ZCWPW2: variants seen among roughly 807,000 people sequenced by gnomAD.
The protein encoded by ZCWPW2 is zinc finger CW-type PWWP domain protein 2.
Under a neutral mutation model 46.6 loss-of-function variants are expected in ZCWPW2, and 45 were observed. The ratio of observed to expected loss-of-function variants is 0.96; its 90% CI spans 0.76 to 1.24. The LOEUF (loss-of-function observed/expected upper bound fraction) is 1.24, where lower values mean the gene tolerates loss of function less well. Among genes scored for constraint, ZCWPW2 ranks in the 50% most tolerant of loss-of-function variants. The probability of loss-of-function intolerance (pLI) is 0.00; values close to 1 mark genes in which losing one functional copy is unlikely to be tolerated. For synonymous variants in ZCWPW2, 152 were observed against 137.1 expected (o/e 1.11, Z -0.76); for missense variants, 429 against 403.9 (o/e 1.06, Z -0.53).
chr3:28,492,887 G>A (rs940482284), intron 6 of ZCWPW2, among the ~76,000 whole-genome samples: 11 of 151,966 alleles, frequency 7.2e-5, no homozygotes, highest in South Asian at 2.1e-4. Flanking sequence ...GAGATTTCCC[G>A]TGTTGAGTGG....
chr3:28,476,995 G>T (rs191586856), intron 4 of ZCWPW2, among the ~76,000 whole-genome samples: 3 of 152,204 alleles, frequency 2.0e-5, no homozygotes, highest in South Asian at 4.1e-4. Flanking sequence ...GTTCCTAACC[G>T]GTCATGGACT....
At chr3:28,466,409 T>G (rs1698826575) in intron 4 of ZCWPW2, among the ~76,000 whole-genome samples, 1 of 152,194 alleles carries the variant, frequency 6.6e-6, no homozygotes, top group Admixed American at 6.5e-5. Context: ...TCATTTATAA[T>G]AGCAACAAAA....
At chr3:28,370,537 C>G (rs1705292730) in intron 1 of ZCWPW2, among the ~76,000 whole-genome samples, 1 of 152,060 alleles carries the variant, frequency 6.6e-6, no homozygotes, top group African/African-American at 2.4e-5. Flanking sequence ...TATTAGAAGT[C>G]ATGATAATGG....
intron 1 of ZCWPW2, among the ~76,000 whole-genome samples, chr3:28,384,397 G>C (rs1270978798): frequency 6.6e-6 from 1 of 152,080 alleles, no homozygotes; most frequent in Non-Finnish European, 1.5e-5. Context: ...AACAAGAAAA[G>C]CAACCTTACG....
At chr3:28,414,726 C>A (rs1489905031) in intron 3 of ZCWPW2, among the ~76,000 whole-genome samples, 2 of 87,486 alleles carry the variant, frequency 2.3e-5, no homozygotes, top group East Asian at 3.4e-4. Flanking sequence ...TTTGTCCTTG[C>A]GAAAGTTTGC....
rs189061101 is a variant in ZCWPW2, at chr3:28,390,161, A to C, written c.-133-337A>C. Reference sequence around the variant, plus strand: ...GTGAGTTGCTAGTGCCAGAGAGGGCAACACAACAAAGAATATCATCTTCAC... The same window carrying C: ...GTGAGTTGCTAGTGCCAGAGAGGGCCACACAACAAAGAATATCATCTTCAC... On this transcript the variant is annotated intron_variant, in intron 1 of 9. Coordinates refer to ENST00000383768, the MANE Select transcript of ZCWPW2 (RefSeq NM_001040432.4). 4.1e-4 allele frequency among the ~76,000 whole-genome samples: 63 copies of C among 152,328 alleles called. 1 individual carries two copies. Among genetic ancestry groups the C allele is most frequent in the African/African-American group, 1.5e-3 (62 of 41,568 alleles).
intron 6 of ZCWPW2, among the ~76,000 whole-genome samples, chr3:28,510,160 A>T (rs1700388421): frequency 1.3e-5 from 2 of 152,242 alleles, no homozygotes; most frequent in Middle Eastern, 6.8e-3. Flanking sequence ...TATTCTATTG[A>T]TTTATTCTTC....
intron 4 of ZCWPW2, among the ~76,000 whole-genome samples, chr3:28,466,780 C>T (rs1263190082): frequency 1.3e-5 from 2 of 151,926 alleles, no homozygotes; most frequent in African/African-American, 2.4e-5. Context: ...GCCGGGGTGA[C>T]GAGCAAGACT....
At chr3:28,426,328 A>T (rs1697010335) in intron 3 of ZCWPW2, among the ~76,000 whole-genome samples, 1 of 151,762 alleles carries the variant, frequency 6.6e-6, no homozygotes, top group African/African-American at 2.4e-5. Context: ...TGCATATCTC[A>T]CTTAATTCAG....
At chr3:28,396,850 T>G (rs1401894406) in intron 2 of ZCWPW2, among the ~76,000 whole-genome samples, 1 of 152,208 alleles carries the variant, frequency 6.6e-6, no homozygotes, top group Non-Finnish European at 1.5e-5. Flanking sequence ...AGTATTGGGC[T>G]GGGTGCAGTG....
intron 8 of ZCWPW2, among the ~76,000 whole-genome samples, chr3:28,517,964 T>C (rs890571938): frequency 2.3e-4 from 35 of 151,888 alleles, no homozygotes; most frequent in Non-Finnish European, 8.8e-5. Context: ...GGTAAAACCC[T>C]GTCTCTACTA....
At chr3:28,447,699 A>G (rs1350335672) in intron 4 of ZCWPW2, 2 of 485,352 alleles carry the variant, frequency 4.1e-6, no homozygotes, top group Non-Finnish European at 7.8e-6. Flanking sequence ...TCTAGCTTCC[A>G]CGAACGTTGT....
At chr3:28,470,252 C>G (rs1020113504) in intron 4 of ZCWPW2, among the ~76,000 whole-genome samples, 3 of 152,012 alleles carry the variant, frequency 2.0e-5, no homozygotes, top group African/African-American at 7.2e-5. Context: ...CCCAGCACTT[C>G]GGAAGGCCGA....
At chr3:28,423,386 A>G (rs1370648430) in intron 3 of ZCWPW2, among the ~76,000 whole-genome samples, 6 of 61,370 alleles carry the variant, frequency 9.8e-5, no homozygotes, top group Admixed American at 2.1e-4. Context: ...TTTTTTTTTT[A>G]GACAGAGTCT....
chr3:28,500,495 A>C (rs1391863726), intron 6 of ZCWPW2, among the ~76,000 whole-genome samples: 1 of 152,064 alleles, frequency 6.6e-6, no homozygotes, highest in African/African-American at 2.4e-5. Context: ...CCTAACACTT[A>C]TTAATGCCAA....
intron 2 of ZCWPW2, among the ~76,000 whole-genome samples, chr3:28,408,878 C>A (rs1696274136): frequency 6.6e-6 from 1 of 152,034 alleles, no homozygotes; most frequent in Non-Finnish European, 1.5e-5. Context: ...TTATCTGAAT[C>A]TCTTTTGGTA....
chr3:28,387,678 T>G (rs1172719900), intron 1 of ZCWPW2, among the ~76,000 whole-genome samples: 1 of 152,184 alleles, frequency 6.6e-6, no homozygotes. Flanking sequence ...AAGAATAAGT[T>G]GCAGTGATAT....
intron 9 of ZCWPW2, among the ~76,000 whole-genome samples, chr3:28,522,805 G>A (rs557336656): frequency 6.6e-5 from 10 of 152,076 alleles, no homozygotes; most frequent in African/African-American, 1.7e-4. Context: ...TGGGTCTTTT[G>A]CAGAACAAGA....
chr3:28,522,420 G>C (rs1279268474), intron 9 of ZCWPW2, among the ~76,000 whole-genome samples: 1 of 152,098 alleles, frequency 6.6e-6, no homozygotes, highest in African/African-American at 2.4e-5. Context: ...TTCACAATTT[G>C]AGCAACTGCC....
Sources: gnomAD v4.1 joint callset for allele counts (sites outside exome capture counted in the v4.1 genomes callset) on GRCh38, gnomAD v4.1.1 for gene constraint, MANE v1.5 for transcripts, NCBI Gene and HGNC (gene_info 2026-07-23, HGNC 2026-07-21) for gene names.